Variants in ZCCHC2 observed in about 807,000 individuals in gnomAD.
ZCCHC2 encodes zinc finger CCHC-type containing 2, also known as zinc finger CCHC domain-containing protein 2.
In ZCCHC2, 39 loss-of-function variants were observed where a neutral mutation model predicts 103.6. The observed-to-expected ratio is 0.38, with a 90% CI of 0.29 to 0.49. The LOEUF is 0.49. Among genes scored for constraint, ZCCHC2 ranks in the 20% least tolerant of loss-of-function variants. The pLI is 0.96. For missense variants in ZCCHC2, 1,483 were observed against 1,491.0 expected, an observed-to-expected ratio of 0.99 and a Z score of 0.09; for synonymous variants, 687 against 608.9, an observed-to-expected ratio of 1.13 and a Z score of -1.89.
chr18:62,550,487 A>G (rs1354605085), intron 5 of ZCCHC2, 27 bp downstream of exon 5: 1 of 1,569,876 alleles, frequency 6.4e-7, no homozygotes, highest in South Asian at 1.1e-5. Context: ...CGCCTATCAT[A>G]GCAGCATACA....
chr18:62,523,376 G>GCCCCGCC lies in ZCCHC2; in HGVS notation c.-45_-44insGCCCCCC. ...GCCTCGGCCCGTGCTCCACCTCGCG[G>GCCCCGCC]CCCCTCCCGCCCGCCCCCGCTCGCA... On this transcript the variant is annotated 5_prime_UTR_variant, in exon 1 of 14. Coordinates refer to ENST00000269499, the MANE Select transcript of ZCCHC2 (RefSeq NM_017742.6). 9.9e-7 allele frequency: 1 copy of GCCCCGCC among 1,012,354 alleles called. No homozygotes were observed. Among genetic ancestry groups the GCCCCGCC allele is most frequent in the Non-Finnish European group, 1.2e-6 (1 of 848,990 alleles). 62.7% of individuals were successfully genotyped at this position (1,012,354 alleles called of 1,614,324 possible). A position where few individuals can be genotyped will look rare whatever the true frequency, so the allele number is the denominator to read the frequency against.
intron 1 of ZCCHC2, among the ~76,000 whole-genome samples, chr18:62,538,093 C>T (rs142949900): frequency 4.9e-4 from 74 of 151,756 alleles, no homozygotes; most frequent in African/African-American, 1.5e-3. Context: ...AGAAATATTT[C>T]GCTTTAAGCA....
chr18:62,543,689 C>T (rs1295165126), intron 3 of ZCCHC2, among the ~76,000 whole-genome samples: 1 of 152,210 alleles, frequency 6.6e-6, no homozygotes, highest in Non-Finnish European at 1.5e-5. Flanking sequence ...TCCTTCTTGA[C>T]ACCCCAGTTC....
At position 62,574,674 on chromosome 18, in the gene ZCCHC2, A is replaced by G. The variant is rs1255997087; in HGVS notation, c.2593A>G (p.Thr865Ala). 1.9e-6 allele frequency: 3 copies of G among 1,613,900 alleles called. No individual in the cohort carries two copies. Among genetic ancestry groups the G allele is most frequent in the Non-Finnish European group, 2.5e-6 (3 of 1,179,864 alleles). Residue 865 changes from threonine (T) to alanine (A), a missense_variant, in exon 13 of 14, where the codon ACG becomes GCG. By Grantham distance (58) the Thr-to-Ala change is moderately conservative. This residue lies in a region of ZCCHC2 where 884 missense variants were observed against 907.5 expected (regional missense o/e 0.97). Transcript: ENST00000269499. ...GSFPGSPVATTDPITKSASQV... is the reference protein window; with the variant it reads ...GSFPGSPVATADPITKSASQV... ...TTTCCCAGGCTCTCCTGTTGCTACC[A>G]CGGACCCCATCACAAAATCTGCATC...
chr18:62,584,242 T>G (rs1305198549), intron 14 of ZCCHC2, among the ~76,000 whole-genome samples: 1 of 152,120 alleles, frequency 6.6e-6, no homozygotes, highest in Non-Finnish European at 1.5e-5. Flanking sequence ...CTTCCTCTTG[T>G]CTGTTCTGTA....
intron 11 of ZCCHC2, among the ~76,000 whole-genome samples, chr18:62,567,730 A>T (rs1411902394): frequency 6.6e-6 from 1 of 152,006 alleles, no homozygotes; most frequent in East Asian, 1.9e-4. Context: ...GGATCACTTG[A>T]GGTCAGGAAT....
intron 1 of ZCCHC2, among the ~76,000 whole-genome samples, chr18:62,531,139 C>T (rs772897091): frequency 6.6e-6 from 1 of 151,626 alleles, no homozygotes; most frequent in African/African-American, 2.4e-5. Flanking sequence ...CTGTGTTTTT[C>T]GTTATGGAGG....
chr18:62,549,116 G>A (rs1435965312), intron 4 of ZCCHC2, among the ~76,000 whole-genome samples: 1 of 152,144 alleles, frequency 6.6e-6, no homozygotes, highest in Non-Finnish European at 1.5e-5. Flanking sequence ...CTACTCGGGA[G>A]GCTGAGGCAG....
chr18:62,552,255 A>T (rs992897356), intron 5 of ZCCHC2: 17 of 152,376 alleles, frequency 1.1e-4, no homozygotes, highest in African/African-American at 4.1e-4. Context: ...TGGAAGGATC[A>T]GAAGATGAAG....
In ZCCHC2 at chr18:62,558,617, A is replaced by C. The variant is rs1456876756; in HGVS notation, c.1409-70A>C. ...CCATTCATTTTCCTTAGGTAAAAAA[A>C]CAATTATTATATTTGTTTTCTTTAT... On this transcript the variant is annotated intron_variant, in intron 6 of 13. Transcript: ENST00000269499. 3 of 962,832 alleles carry C rather than the reference A, an allele frequency of 3.1e-6. No homozygotes were observed. The African/African-American group carries it at 5.1e-5, about 16-fold the overall frequency. 59.6% of individuals were successfully genotyped at this position (962,832 alleles called of 1,614,324 possible).
intron 5 of ZCCHC2, among the ~76,000 whole-genome samples, chr18:62,554,829 A>G (rs1915815760): frequency 6.6e-6 from 1 of 152,226 alleles, no homozygotes. Flanking sequence ...TCATCTCTTA[A>G]TTTCACCCAT....
At chr18:62,579,424 C>T (rs545831227), downstream of ZCCHC2, among the ~76,000 whole-genome samples, 12 of 152,308 alleles carry the variant, frequency 7.9e-5, no homozygotes, top group East Asian at 2.1e-3. Context: ...TCCACGCCGC[C>T]CTTGACGCAG....
Position 62,575,092 on chromosome 18 carries a change from C to T in ZCCHC2, c.3011C>T (p.Pro1004Leu), listed in dbSNP as rs115339882. Reference sequence around the variant, plus strand: ...AACGCTAATGGGACAGTAGTGCCACCGCAGCAGATGGGCTCAGGTCCTTGT... The same window carrying T: ...AACGCTAATGGGACAGTAGTGCCACTGCAGCAGATGGGCTCAGGTCCTTGT... ...NTNANGTVVP[P>L]QQMGSGPCGS... Residue 1004 changes from proline (P) to leucine (L), a missense_variant, in exon 13 of 14, where the codon CCG (proline) becomes CTG (leucine). Physicochemically the swap from Pro to Leu is moderately conservative, Grantham distance 98 (BLOSUM62 -3). Around this residue, in one of 3 missense-constraint regions of ZCCHC2, gnomAD observed 884 missense variants for 907.5 expected, o/e 0.97. Transcript: ENST00000269499. 1,361 of 1,613,992 alleles carry T rather than the reference C, an allele frequency of 8.4e-4. 7 individuals are homozygous for T. The African/African-American group carries it at 0.013, about 15-fold the overall frequency.
At chr18:62,557,907 AAGTAC>A (rs1915962324) in intron 6 of ZCCHC2, among the ~76,000 whole-genome samples, 1 of 152,218 alleles carries the variant, frequency 6.6e-6, no homozygotes, top group East Asian at 1.9e-4. Context: ...CACTGTATGA[AAGTAC>A]AGAACTTGAG....
chr18:62,575,156 A>T lies in ZCCHC2; in HGVS notation c.3075A>T (p.Gly1025=), dbSNP rs778394179. ...GAAGGTGCAGCTGTGGGACCAATGG[A>T]AACCTTCAGCTAAATAGTTACTATT... is the stretch of plus-strand genomic sequence containing the variant. ...CGRRCSCGTN[G]NLQLNSYYYP... The change falls in exon 13 of 14, where the codon GGA becomes GGT. Residue 1025 remains glycine, a synonymous_variant. Coordinates refer to ENST00000269499, the MANE Select transcript of ZCCHC2 (RefSeq NM_017742.6). The T allele has an allele frequency of 1.9e-6, 3 of 1,614,052 alleles. No homozygotes were observed. In the Admixed American group the frequency reaches 5.0e-5, roughly 27 times the overall value.
At chr18:62,560,547 C>A in intron 7 of ZCCHC2, 40 bp from the exon 8 acceptor site, 2 of 1,572,618 alleles carry the variant, frequency 1.3e-6, no homozygotes, top group Non-Finnish European at 1.7e-6. Context: ...GTTTTTGCTG[C>A]AGCATTTAGT....
chr18:62,544,805 A>T lies in ZCCHC2; in HGVS notation c.1132A>T (p.Asn378Tyr), dbSNP rs1379896823. 6 of 1,544,474 alleles carry T rather than the reference A, an allele frequency of 3.9e-6. No individual in the cohort carries two copies. Among genetic ancestry groups the T allele is most frequent in the Non-Finnish European group, 5.2e-6 (6 of 1,146,260 alleles). Residue 378 changes from asparagine (N) to tyrosine (Y), a missense_variant, in exon 4 of 14, where the codon AAT becomes TAT. This residue lies in a region of ZCCHC2 where 568 missense variants were observed against 525.1 expected (regional missense o/e 1.08). Coordinates refer to ENST00000269499, the MANE Select transcript of ZCCHC2 (RefSeq NM_017742.6). ...ATGTGTGTTTTTTTTAAATCAGGTA[A>T]ATTGGTCTGATCTTTCAGTCACAAC... ...DKYWEYTFKVNWSDLSVTTVT... is the reference protein window; with the variant it reads ...DKYWEYTFKVYWSDLSVTTVT...
intron 13 of ZCCHC2, among the ~76,000 whole-genome samples, chr18:62,575,837 C>A (rs1220656780): frequency 6.6e-6 from 1 of 151,812 alleles, no homozygotes; most frequent in African/African-American, 2.4e-5. Flanking sequence ...TGTTAAATCT[C>A]TTGCTTGCAG....
rs1916852186 is a variant in ZCCHC2, at chr18:62,576,568, T to A, written c.3526T>A (p.Ser1176Thr). 1 of 1,613,686 alleles carries A rather than the reference T, an allele frequency of 6.2e-7. No individual in the cohort carries two copies. The highest frequency in any genetic ancestry group is 8.5e-7 in the Non-Finnish European group (1 of 1,179,764). The stretch of plus-strand genomic sequence containing the variant: ...CCCCCCTTCTAATGATACGTTGGAT[T>A]CTGCAGACTGAAACGAGTAAAGCTT... ...PLPPSNDTLD[S>T]AD is the part of the protein sequence containing the mutation. The change falls in exon 14 of 14, where the codon TCT (serine) becomes ACT (threonine). Residue 1176 changes from serine (S) to threonine (T), a missense_variant. Ser to Thr is a moderately conservative substitution (Grantham distance 58). Around this residue, in one of 3 missense-constraint regions of ZCCHC2, gnomAD observed 884 missense variants for 907.5 expected, o/e 0.97. Coordinates refer to ENST00000269499, the MANE Select transcript of ZCCHC2 (RefSeq NM_017742.6).
Sources: gnomAD v4.1 joint callset for allele counts (sites outside exome capture counted in the v4.1 genomes callset) on GRCh38, gnomAD v4.1.1 for gene constraint, gnomAD v4.1.1 regional missense constraint, MANE v1.5 for transcripts, NCBI Gene and HGNC (gene_info 2026-07-23, HGNC 2026-07-21) for gene names.